TINAG: variants seen among roughly 807,000 people sequenced by gnomAD.
TINAG encodes the protein tubulointerstitial nephritis antigen.
A neutral mutation model predicts 72.7 loss-of-function variants in TINAG; 83 were observed. The observed-to-expected ratio is 1.14, with a 90% confidence interval of 0.96 to 1.37. The LOEUF (loss-of-function observed/expected upper bound fraction) is 1.37, where lower values mean the gene tolerates loss of function less well. Ranked by LOEUF, TINAG falls within the 40% of genes most tolerant of loss-of-function variation. The probability of loss-of-function intolerance (pLI) is 0.00; values close to 1 mark genes in which losing one functional copy is unlikely to be tolerated. For missense variants in TINAG, 685 were observed against 576.6 expected, an observed-to-expected ratio of 1.19 and a Z score of -1.93; for synonymous variants, 234 against 189.9, an observed-to-expected ratio of 1.23 and a Z score of -1.91.
Position 54,308,614 on chromosome 6 carries a change from C to T in TINAG, c.64C>T (p.Gln22Ter). The change falls in exon 1 of 11, where the codon CAG (glutamine) becomes TAG (stop). Residue 22 changes from glutamine (Q) to a stop codon, truncating the protein, a stop_gained. Coordinates refer to ENST00000259782, the MANE Select transcript of TINAG (RefSeq NM_014464.4). LOFTEE classifies it high-confidence loss of function. ...TACTACAGAAATCTGGATGGAGAAG[C>T]AGTATTTATCTCAAAGAGAAGTGGA... is the stretch of plus-strand genomic sequence containing the variant. ...YLTTEIWMEK[Q>*]YLSQREVDLE... 1 of 1,613,604 alleles carries T rather than the reference C, an allele frequency of 6.2e-7. No individual in the cohort carries two copies. The highest frequency in any genetic ancestry group is 1.7e-5 in the Admixed American group (1 of 59,894).
In TINAG at chr6:54,378,691, C is replaced by T. The variant is rs574085979; in HGVS notation, c.1251-1835C>T. Among the ~76,000 whole-genome samples, 8 of 152,220 alleles carry T rather than the reference C, an allele frequency of 5.3e-5. No individual in the cohort carries two copies. The South Asian group carries it at 1.7e-3, about 32-fold the overall frequency. On this transcript the variant is annotated intron_variant, in intron 9 of 10. Transcript: ENST00000259782. ...ATACTAAAATAATAAAAGGTATACACCACATTCTGAAGTGCCTCTTCTCCT... is the reference window on the plus strand; with the variant it reads ...ATACTAAAATAATAAAAGGTATACATCACATTCTGAAGTGCCTCTTCTCCT...
intron 1 of TINAG, among the ~76,000 whole-genome samples, chr6:54,317,884 T>C (rs915879574): frequency 6.6e-6 from 1 of 152,186 alleles, no homozygotes; most frequent in Non-Finnish European, 1.5e-5. Context: ...GGCAGGGTTA[T>C]TGGCAATTCC....
chr6:54,312,541 C>T (rs191850495), intron 1 of TINAG, among the ~76,000 whole-genome samples: 22 of 151,970 alleles, frequency 1.4e-4, no homozygotes, highest in East Asian at 7.7e-4. Context: ...GGGTTTCTAC[C>T]GTTTTTGCTA....
chr6:54,333,477 G>A (rs1228479323), intron 4 of TINAG, among the ~76,000 whole-genome samples: 1 of 151,974 alleles, frequency 6.6e-6, no homozygotes, highest in East Asian at 1.9e-4. Flanking sequence ...GGGGATTGGG[G>A]GCTAGGGGAG....
chr6:54,328,329 G>A (rs377586281), intron 4 of TINAG, among the ~76,000 whole-genome samples: 3 of 152,116 alleles, frequency 2.0e-5, no homozygotes, highest in African/African-American at 4.8e-5. Context: ...AGGCAAACAA[G>A]ATCTGGAGTG....
At chr6:54,376,771 T>C (rs547215514) in intron 9 of TINAG, among the ~76,000 whole-genome samples, 5 of 152,310 alleles carry the variant, frequency 3.3e-5, no homozygotes, top group Non-Finnish European at 5.9e-5. Flanking sequence ...AGGAACTTTA[T>C]GGTCTTTCCA....
At chr6:54,344,535 C>A (rs1426793452) in intron 5 of TINAG, among the ~76,000 whole-genome samples, 1 of 151,946 alleles carries the variant, frequency 6.6e-6, no homozygotes, top group South Asian at 2.1e-4. Flanking sequence ...TATAATAAAC[C>A]GTTTGCCATT....
intron 4 of TINAG, 65 bp from the exon 5 acceptor site, chr6:54,343,161 G>T: frequency 7.4e-7 from 1 of 1,347,378 alleles, no homozygotes; most frequent in Non-Finnish European, 9.8e-7. Context: ...ATAAAAGGGC[G>T]TGACATTTTC....
intron 9 of TINAG, among the ~76,000 whole-genome samples, chr6:54,361,580 C>T (rs138577978): frequency 1.3e-5 from 2 of 151,756 alleles, no homozygotes; most frequent in Non-Finnish European, 3.0e-5. Context: ...CTCCATAATA[C>T]TGGGGATTGT....
Position 54,351,388 on chromosome 6 carries a change from C to T in TINAG, c.1117C>T (p.Pro373Ser), listed in dbSNP as rs978405083. ...EIMKEIMQNG[P>S]VQAIMQVRED... ...AATGAAAGAAATCATGCAAAATGGA[C>T]CAGTTCAAGGTAAGCTTGAATGAAA... The change falls in exon 8 of 11, where the codon CCA becomes TCA. Residue 373 changes from proline to serine, a missense_variant. Pro to Ser is a moderately conservative substitution (Grantham distance 74). Coordinates refer to ENST00000259782, the MANE Select transcript of TINAG (RefSeq NM_014464.4). 25 of 1,610,036 alleles carry T rather than the reference C, an allele frequency of 1.6e-5. No individual in the cohort carries two copies. In the Admixed American group the frequency reaches 2.3e-4, roughly 15 times the overall value.
chr6:54,330,738 A>G (rs917769054), intron 4 of TINAG, among the ~76,000 whole-genome samples: 3 of 152,206 alleles, frequency 2.0e-5, no homozygotes, highest in Non-Finnish European at 2.9e-5. Context: ...AAGAGAGAAG[A>G]ACCAAATAGA....
At chr6:54,349,388 T>C (rs1305560608) in intron 6 of TINAG, among the ~76,000 whole-genome samples, 2 of 152,038 alleles carry the variant, frequency 1.3e-5, no homozygotes, top group African/African-American at 4.8e-5. Flanking sequence ...ATAAACAGGT[T>C]GAAGGGGTCC....
chr6:54,330,979 C>G (rs927063112), intron 4 of TINAG, among the ~76,000 whole-genome samples: 3 of 151,936 alleles, frequency 2.0e-5, no homozygotes, highest in Non-Finnish European at 4.4e-5. Context: ...GCCTACCAAC[C>G]AAAAAAGTCT....
intron 9 of TINAG, among the ~76,000 whole-genome samples, chr6:54,379,944 A>G (rs1238046773): frequency 6.6e-6 from 1 of 151,858 alleles, no homozygotes; most frequent in Admixed American, 6.6e-5. Context: ...CCGACCCCCA[A>G]ACAGGCCCCA....
At chr6:54,374,904 G>GT (rs144863619) in intron 9 of TINAG, among the ~76,000 whole-genome samples, 3,570 of 151,720 alleles carry the variant, frequency 0.024, 136 homozygotes, top group African/African-American at 0.082. Context: ...TTTTAAAACT[G>GT]TTTTTTTTAA....
chr6:54,341,282 A>T (rs1344018008), intron 4 of TINAG, among the ~76,000 whole-genome samples: 1 of 152,190 alleles, frequency 6.6e-6, no homozygotes, highest in Non-Finnish European at 1.5e-5. Flanking sequence ...GGCACCTTTC[A>T]AAAGTGAGTC....
Position 54,347,383 on chromosome 6 carries a change from A to C in TINAG, c.765A>C (p.Arg255=). The C allele has an allele frequency of 6.2e-7, 1 of 1,612,770 alleles. No individual in the cohort carries two copies. The highest frequency in any genetic ancestry group is 8.5e-7 in the Non-Finnish European group (1 of 1,179,296). The part of the protein sequence containing the change: ...AFSTASVAAD[R]IAIQSKGRYT... ...TTGAAACAGGTGTGGCTGCTGACCG[A>C]ATAGCAATTCAGTCTAAGGGTCGAT... The change falls in exon 6 of 11, where the codon CGA becomes CGC. Residue 255 remains arginine, a synonymous_variant. Coordinates refer to ENST00000259782, the MANE Select transcript of TINAG (RefSeq NM_014464.4).
At chr6:54,389,210 C>G (rs778489777) in intron 10 of TINAG, among the ~76,000 whole-genome samples, 9 of 152,056 alleles carry the variant, frequency 5.9e-5, no homozygotes, top group African/African-American at 2.2e-4. Flanking sequence ...TTTTCCTTTA[C>G]GTCAATCTCC....
At chr6:54,318,747 G>A (rs776048572) in intron 1 of TINAG, among the ~76,000 whole-genome samples, 3 of 152,124 alleles carry the variant, frequency 2.0e-5, no homozygotes, top group Non-Finnish European at 2.9e-5. Flanking sequence ...GGATCCGTTG[G>A]AGTTGGGAAG....
Sources: gnomAD v4.1 joint callset for allele counts (sites outside exome capture counted in the v4.1 genomes callset) on GRCh38, gnomAD v4.1.1 for gene constraint, MANE v1.5 for transcripts, NCBI Gene and HGNC (gene_info 2026-07-23, HGNC 2026-07-21) for gene names.